CAPN2: variants seen among roughly 807,000 people sequenced by gnomAD.
The protein encoded by CAPN2 is calpain-2 catalytic subunit.
A neutral mutation model predicts 102.3 loss-of-function variants in CAPN2; 92 were observed. That is an observed-to-expected ratio of 0.90 (90% CI 0.76 to 1.07). CAPN2 has a LOEUF of 1.07. Ranked by LOEUF, CAPN2 falls within the 50% of genes least tolerant of loss-of-function variation. CAPN2 has a pLI of 0.00. For synonymous variants in CAPN2, 340 were observed against 355.4 expected, an observed-to-expected ratio of 0.96 and a Z score of 0.49; for missense variants, 800 against 909.4, an observed-to-expected ratio of 0.88 and a Z score of 1.55.
intron 2 of CAPN2, among the ~76,000 whole-genome samples, chr1:223,739,118 G>T (rs1219154158): frequency 2.0e-5 from 3 of 151,830 alleles, no homozygotes; most frequent in African/African-American, 7.3e-5. Context: ...AATAGTTTCT[G>T]CTCTCAGATA....
intron 18 of CAPN2, chr1:223,771,078 A>G (rs564609060): frequency 3.3e-5 from 5 of 153,390 alleles, no homozygotes; most frequent in African/African-American, 1.2e-4. Context: ...CAGCTCCAGC[A>G]GTCCACGGCT....
At chr1:223,749,000 G>A in intron 5 of CAPN2, 39 bp from the exon 6 acceptor site, 2 of 1,570,844 alleles carry the variant, frequency 1.3e-6, no homozygotes, top group Non-Finnish European at 1.8e-6. Context: ...GAGGAAGGGA[G>A]AGCGGGTGCG....
At chr1:223,728,994 C>A (rs1558063465) in intron 2 of CAPN2, among the ~76,000 whole-genome samples, 4 of 152,228 alleles carry the variant, frequency 2.6e-5, no homozygotes, top group Admixed American at 1.3e-4. Context: ...ATACAAGGTT[C>A]TTCCCTTTCT....
chr1:223,769,531 G>A (rs1205820749), intron 16 of CAPN2, among the ~76,000 whole-genome samples: 1 of 151,772 alleles, frequency 6.6e-6, no homozygotes, highest in African/African-American at 2.4e-5. Flanking sequence ...CAAGGGCCTA[G>A]CCACTAGAAG....
chr1:223,757,779 A>G (rs1661073769), intron 11 of CAPN2: 1 of 222,702 alleles, frequency 4.5e-6, no homozygotes, highest in Admixed American at 5.6e-5. Flanking sequence ...AGAGGAGACC[A>G]GGACCCAATT....
chr1:223,718,175 G>A (rs1289135178), intron 2 of CAPN2, among the ~76,000 whole-genome samples: 2 of 152,220 alleles, frequency 1.3e-5, no homozygotes, highest in African/African-American at 4.8e-5. Context: ...TACACTCTGG[G>A]CAGAGGACTA....
intron 2 of CAPN2, among the ~76,000 whole-genome samples, chr1:223,730,964 G>A (rs1191461516): frequency 6.6e-6 from 1 of 152,242 alleles, no homozygotes; most frequent in African/African-American, 2.4e-5. Context: ...TTTGGGCATT[G>A]CTGCCAGAAA....
At chr1:223,707,055 G>C (rs1354528444) in intron 1 of CAPN2, among the ~76,000 whole-genome samples, 1 of 149,858 alleles carries the variant, frequency 6.7e-6, no homozygotes, top group Non-Finnish European at 1.5e-5. Flanking sequence ...ACTCCAGCCT[G>C]GGTGACAGAG....
In CAPN2 at chr1:223,764,954, G is replaced by T. The variant is rs77437979; in HGVS notation, c.1690+747G>T. Among the ~76,000 whole-genome samples, 401 of 152,324 alleles carry T rather than the reference G, an allele frequency of 2.6e-3. 1 individual carries two copies. Among genetic ancestry groups the T allele is most frequent in the African/African-American group, 9.0e-3 (375 of 41,566 alleles). ...AGGATTGATTGTTCAACCCCTTACT[G>T]TGGATCACCAGCAGGGAGGAGCGGG... On this transcript the variant is annotated intron_variant, in intron 15 of 20. Coordinates refer to ENST00000295006, the MANE Select transcript of CAPN2 (RefSeq NM_001748.5).
chr1:223,760,456 G>A (rs1317141675), intron 12 of CAPN2, among the ~76,000 whole-genome samples: 1 of 152,216 alleles, frequency 6.6e-6, no homozygotes, highest in Non-Finnish European at 1.5e-5. Flanking sequence ...AGCAATGCCA[G>A]GCAGCTGCAT....
chr1:223,775,072 A>G lies in CAPN2; in HGVS notation c.*215A>G. 1 of 573,048 alleles carries G rather than the reference A, an allele frequency of 1.7e-6. No homozygotes were observed. Among genetic ancestry groups the G allele is most frequent in the Non-Finnish European group, 3.1e-6 (1 of 325,046 alleles). 35.5% of individuals were successfully genotyped at this position (573,048 alleles called of 1,614,324 possible). A position where few individuals can be genotyped will look rare whatever the true frequency, so the allele number is the denominator to read the frequency against. On this transcript the variant is annotated 3_prime_UTR_variant, in exon 21 of 21. Coordinates refer to ENST00000295006, the MANE Select transcript of CAPN2 (RefSeq NM_001748.5). ...TTGCATATCATTATACTAAATGCAAATGAGTCGCTTAACCCTTGACAAGGT... is the reference window on the plus strand; with the variant it reads ...TTGCATATCATTATACTAAATGCAAGTGAGTCGCTTAACCCTTGACAAGGT...
At chr1:223,721,713 C>T (rs907275366) in intron 2 of CAPN2, among the ~76,000 whole-genome samples, 21 of 152,194 alleles carry the variant, frequency 1.4e-4, no homozygotes, top group African/African-American at 5.1e-4. Flanking sequence ...AGGGACAAGA[C>T]CAATGGGAAA....
intron 2 of CAPN2, among the ~76,000 whole-genome samples, chr1:223,720,950 T>C (rs1201524257): frequency 2.0e-5 from 3 of 152,166 alleles, no homozygotes; most frequent in Non-Finnish European, 2.9e-5. Flanking sequence ...CTACCTGCGC[T>C]TTCTACCCTG....
intron 9 of CAPN2, among the ~76,000 whole-genome samples, chr1:223,753,319 A>G (rs576372446): frequency 6.6e-6 from 1 of 152,234 alleles, no homozygotes; most frequent in South Asian, 2.1e-4. Flanking sequence ...GAGCTGCTCT[A>G]TGCACCCCAC....
intron 3 of CAPN2, among the ~76,000 whole-genome samples, 185 bp downstream of exon 3, chr1:223,744,403 G>T (rs901942654): frequency 6.6e-6 from 1 of 152,106 alleles, no homozygotes; most frequent in Non-Finnish European, 1.5e-5. Flanking sequence ...TGTGAGACCC[G>T]GCTGGGATGG....
intron 2 of CAPN2, among the ~76,000 whole-genome samples, chr1:223,734,381 GCTCAACCCATC>G (rs1189197884): frequency 6.6e-6 from 1 of 152,092 alleles, no homozygotes; most frequent in Non-Finnish European, 1.5e-5. Flanking sequence ...CACCTCCTGG[GCTCAACCCATC>G]CTCCCACCTC....
Position 223,759,389 on chromosome 1 carries a change from AG to A in CAPN2, c.1439del (p.Gly480GlufsTer78). The A allele has an allele frequency of 1.2e-6, 2 of 1,614,196 alleles. No homozygotes were observed. Among genetic ancestry groups the A allele is most frequent in the Non-Finnish European group, 8.5e-7 (1 of 1,180,024 alleles). ...EVLNRFKLPP[G>X]EYILVPSTFE... is the part of the protein sequence containing the mutation. ...TGCTCAACCGCTTCAAGCTGCCGCC[AG>A]GAGAGTACATTCTCGTGCCTTCCAC... On this transcript the variant is annotated frameshift_variant, in exon 12 of 21. Transcript: ENST00000295006. LOFTEE classifies it high-confidence loss of function. This position sits in a 1 kb window ranked among gnomAD's most constrained non-coding sequence, Gnocchi z 4.6.
At chr1:223,704,229 C>G (rs900270510) in intron 1 of CAPN2, among the ~76,000 whole-genome samples, 10 of 151,982 alleles carry the variant, frequency 6.6e-5, no homozygotes, top group African/African-American at 2.4e-4. Context: ...GGGTAGAGGT[C>G]GCGGTGAGTC....
intron 3 of CAPN2, among the ~76,000 whole-genome samples, chr1:223,744,610 C>T (rs1453457802): frequency 6.6e-6 from 1 of 152,202 alleles, no homozygotes; most frequent in Non-Finnish European, 1.5e-5. Context: ...CCCGTAATCT[C>T]AGCACTTTGG....
Sources: allele counts gnomAD v4.1 joint callset (sites outside exome capture counted in the v4.1 genomes callset), GRCh38; gene constraint gnomAD v4.1.1; non-coding constraint Gnocchi (gnomAD v3.1); transcripts MANE v1.5; gene names NCBI Gene and HGNC (gene_info 2026-07-23, HGNC 2026-07-21).